Variants in KAZN observed in about 807,000 individuals in gnomAD.
KAZN encodes kazrin.
A neutral mutation model predicts 87.4 loss-of-function variants in KAZN; 40 were observed. That is an observed-to-expected ratio of 0.46 (90% CI 0.36 to 0.60). KAZN has a LOEUF of 0.60. KAZN is among the 20% of genes least tolerant of loss of function. KAZN has a pLI of 0.00. For synonymous variants in KAZN, 466 were observed against 458.3 expected, an observed-to-expected ratio of 1.02 and a Z score of -0.22; for missense variants, 898 against 1,073.9, an observed-to-expected ratio of 0.84 and a Z score of 2.29.
At chr1:14,346,948 C>G (rs1007416841) in intron 2 of KAZN, among the ~76,000 whole-genome samples, 6 of 152,044 alleles carry the variant, frequency 3.9e-5, no homozygotes, top group Non-Finnish European at 7.4e-5. Context: ...ATGGTATAGC[C>G]ATATCACAGA....
intron 1 of KAZN, among the ~76,000 whole-genome samples, chr1:14,896,823 G>A (rs1655330327): frequency 6.6e-6 from 1 of 152,176 alleles, no homozygotes; most frequent in South Asian, 2.1e-4. Context: ...ATTCTTGTAA[G>A]CTATAAAATC....
At chr1:14,468,695 C>A (rs1204316964) in intron 2 of KAZN, among the ~76,000 whole-genome samples, 1 of 152,216 alleles carries the variant, frequency 6.6e-6, no homozygotes, top group East Asian at 1.9e-4. Flanking sequence ...GCAGGCAAGG[C>A]ACAAAGTTAG....
At chr1:14,298,659 A>G (rs1050357577) in intron 2 of KAZN, among the ~76,000 whole-genome samples, 1 of 152,246 alleles carries the variant, frequency 6.6e-6, no homozygotes, top group East Asian at 1.9e-4. Context: ...CACCTGGCAC[A>G]TGAAGCCAGT....
At chr1:13,924,861 C>T (rs994027613) in intron 1 of KAZN, among the ~76,000 whole-genome samples, 5 of 152,170 alleles carry the variant, frequency 3.3e-5, no homozygotes, top group African/African-American at 4.8e-5. Flanking sequence ...GTCATGGATG[C>T]GGGTCCTCAA....
At chr1:14,012,465 C>T (rs1408023656) in intron 1 of KAZN, among the ~76,000 whole-genome samples, 1 of 152,140 alleles carries the variant, frequency 6.6e-6, no homozygotes, top group East Asian at 1.9e-4. Flanking sequence ...TAAGTAAAAA[C>T]ATTGGCTGGG....
chr1:14,126,224 A>G (rs1348515077), intron 1 of KAZN, among the ~76,000 whole-genome samples: 1 of 152,178 alleles, frequency 6.6e-6, no homozygotes, highest in Admixed American at 6.5e-5. Flanking sequence ...GTGAGGCACA[A>G]ACACCTTTCT....
chr1:14,825,159 G>A (rs1460703957), intron 1 of KAZN, among the ~76,000 whole-genome samples: 2 of 152,248 alleles, frequency 1.3e-5, no homozygotes, highest in Non-Finnish European at 2.9e-5. Context: ...TTTAAGTCAT[G>A]TCCATTCAAA....
chr1:14,225,956 A>G (rs1647262426), intron 2 of KAZN, among the ~76,000 whole-genome samples: 1 of 152,180 alleles, frequency 6.6e-6, no homozygotes, highest in Non-Finnish European at 1.5e-5. Context: ...CTTGGTGAAG[A>G]CTTCATGATG....
At chr1:14,800,171 T>G (rs1016529674) in intron 1 of KAZN, among the ~76,000 whole-genome samples, 5 of 152,116 alleles carry the variant, frequency 3.3e-5, no homozygotes, top group Admixed American at 1.3e-4. Flanking sequence ...GCATGGCAGA[T>G]CTCCAGGTTT....
intron 2 of KAZN, among the ~76,000 whole-genome samples, chr1:14,985,021 AG>A (rs1666635649): frequency 1.3e-5 from 2 of 152,068 alleles, no homozygotes; most frequent in African/African-American, 4.8e-5. Flanking sequence ...CTGTAGTCCC[AG>A]CTACTCAGGA....
At chr1:14,451,752 C>T (rs374138864) in intron 2 of KAZN, among the ~76,000 whole-genome samples, 2 of 152,052 alleles carry the variant, frequency 1.3e-5, no homozygotes, top group South Asian at 4.1e-4. Context: ...AGTCCAAAGA[C>T]CTGAAAACCA....
intron 1 of KAZN, among the ~76,000 whole-genome samples, chr1:14,939,208 G>A (rs1435723619): frequency 6.6e-6 from 1 of 152,130 alleles, no homozygotes; most frequent in Non-Finnish European, 1.5e-5. Flanking sequence ...CTGACCTCAG[G>A]TGATCAACCC....
At chr1:14,389,615 A>T (rs1662247653) in intron 2 of KAZN, among the ~76,000 whole-genome samples, 1 of 152,196 alleles carries the variant, frequency 6.6e-6, no homozygotes, top group African/African-American at 2.4e-5. Context: ...GTCATACTTC[A>T]CATATTCTCA....
chr1:14,976,053 AGC>A (rs1322332882), intron 2 of KAZN, among the ~76,000 whole-genome samples: 1 of 143,626 alleles, frequency 7.0e-6, no homozygotes, highest in Non-Finnish European at 1.5e-5. Context: ...AAAAAAAAAA[AGC>A]AAAGAAAGTA....
chr1:14,471,290 A>T (rs7547810), intron 2 of KAZN, among the ~76,000 whole-genome samples: 4,949 of 152,296 alleles, frequency 0.032, 101 homozygotes, highest in African/African-American at 0.048. Flanking sequence ...ATTTCAAAGT[A>T]TTTCAGACTT....
intron 2 of KAZN, among the ~76,000 whole-genome samples, chr1:15,005,820 G>A (rs1668949443): frequency 6.6e-6 from 1 of 151,948 alleles, no homozygotes; most frequent in East Asian, 1.9e-4. Context: ...TTAACCTAAA[G>A]GGCATTAGTG....
intron 2 of KAZN, among the ~76,000 whole-genome samples, chr1:14,975,599 G>A (rs1665511947): frequency 6.6e-6 from 1 of 152,070 alleles, no homozygotes; most frequent in Non-Finnish European, 1.5e-5. Context: ...TATATTTATG[G>A]AATATTGGTA....
intron 1 of KAZN, among the ~76,000 whole-genome samples, chr1:14,644,122 C>T (rs1229664637): frequency 6.6e-6 from 1 of 150,822 alleles, no homozygotes; most frequent in African/African-American, 2.4e-5. Context: ...AGCAATTCTC[C>T]CATCTCAGCC....
chr1:14,661,603 A>T (rs140453842), intron 1 of KAZN, among the ~76,000 whole-genome samples: 1 of 144,558 alleles, frequency 6.9e-6, no homozygotes, highest in Admixed American at 7.3e-5. Flanking sequence ...GGTTAAGAGC[A>T]TAGTTTCTGG....
Sources: gnomAD v4.1 joint callset for allele counts (sites outside exome capture counted in the v4.1 genomes callset) on GRCh38, gnomAD v4.1.1 for gene constraint, MANE v1.5 for transcripts, NCBI Gene and HGNC (gene_info 2026-07-23, HGNC 2026-07-21) for gene names.